CBL: variants seen among roughly 807,000 people sequenced by gnomAD.
CBL encodes the protein E3 ubiquitin-protein ligase CBL.
Under a neutral mutation model 96.9 loss-of-function variants are expected in CBL, and 45 were observed. The observed-to-expected ratio is 0.46, with a 90% CI of 0.37 to 0.60. The LOEUF is 0.60. Among genes scored for constraint, CBL ranks in the 20% least tolerant of loss-of-function variants. The pLI is 0.00. For synonymous variants in CBL, 420 were observed against 426.8 expected (o/e 0.98, Z 0.20); for missense variants, 1,024 against 1,143.5 (o/e 0.90, Z 1.51).
At chr11:119,236,473 T>C (rs1949546933) in intron 2 of CBL, among the ~76,000 whole-genome samples, 2 of 152,066 alleles carry the variant, frequency 1.3e-5, no homozygotes, top group South Asian at 2.1e-4. Flanking sequence ...ATTTTGTTTA[T>C]GATATTTTTG....
chr11:119,207,912 CA>C (rs1409538761), intron 1 of CBL, among the ~76,000 whole-genome samples: 1 of 152,154 alleles, frequency 6.6e-6, no homozygotes, highest in African/African-American at 2.4e-5. Context: ...AGCACTTAGC[CA>C]ATGTAATGTG....
chr11:119,207,218 C>T lies in CBL; in HGVS notation c.195+606C>T, dbSNP rs1592365160. ...AGTGAGGCAAGGAAAGAACTTTCCT[C>T]CCCATCTAGCGCCGGCTCAAGTTTT... is the stretch of plus-strand genomic sequence containing the variant. On this transcript the variant is annotated intron_variant, in intron 1 of 15. Coordinates refer to ENST00000264033, the MANE Select transcript of CBL (RefSeq NM_005188.4). Among the ~76,000 whole-genome samples the T allele has an allele frequency of 2.0e-5, 3 of 152,120 alleles. No homozygotes were observed. The South Asian group carries it at 6.2e-4, about 31-fold the overall frequency.
chr11:119,238,527 C>T lies in CBL; in HGVS notation c.443+5832C>T, dbSNP rs954784878. ...GCCCGACCCCTAAATACAATGTTTT[C>T]TTATCAAAAAGAGCAGCAGGGGCTG... On this transcript the variant is annotated intron_variant, in intron 2 of 15. Coordinates refer to ENST00000264033, the MANE Select transcript of CBL (RefSeq NM_005188.4). 2.0e-5 allele frequency among the ~76,000 whole-genome samples: 3 copies of T among 151,542 alleles called. 1 individual carries two copies. Among genetic ancestry groups the T allele is most frequent in the African/African-American group, 7.3e-5 (3 of 41,304 alleles).
chr11:119,249,717 T>C (rs140097804), intron 2 of CBL, among the ~76,000 whole-genome samples: 216 of 151,838 alleles, frequency 1.4e-3, no homozygotes, highest in African/African-American at 5.1e-3. Context: ...CCAGGTGGTA[T>C]GATCATGACT....
intron 2 of CBL, among the ~76,000 whole-genome samples, chr11:119,246,723 A>G (rs1298527029): frequency 1.3e-5 from 2 of 152,218 alleles, no homozygotes; most frequent in Non-Finnish European, 2.9e-5. Flanking sequence ...AAGTGTTGGG[A>G]TTACAGGTGT....
intron 2 of CBL, among the ~76,000 whole-genome samples, chr11:119,234,762 T>G (rs1002847870): frequency 4.6e-5 from 7 of 152,234 alleles, no homozygotes. Context: ...GCGAGAACTC[T>G]TCTTAAAATA....
intron 9 of CBL, among the ~76,000 whole-genome samples, chr11:119,279,724 G>A (rs759235442): frequency 5.3e-5 from 8 of 152,126 alleles, no homozygotes; most frequent in African/African-American, 1.7e-4. Context: ...AAGCATATAC[G>A]TAGAAAAACT....
intron 1 of CBL, among the ~76,000 whole-genome samples, chr11:119,213,362 T>A (rs976140195): frequency 5.9e-5 from 9 of 152,206 alleles, no homozygotes; most frequent in African/African-American, 2.2e-4. Flanking sequence ...TGTCACACTC[T>A]AGGAGATTAC....
chr11:119,213,295 T>C (rs867406212), intron 1 of CBL, among the ~76,000 whole-genome samples: 9 of 152,302 alleles, frequency 5.9e-5, no homozygotes, highest in African/African-American at 2.2e-4. Flanking sequence ...ACTACTTCAC[T>C]CCCTCCCTTC....
chr11:119,248,630 A>G (rs2135278105), intron 2 of CBL, among the ~76,000 whole-genome samples: 1 of 152,348 alleles, frequency 6.6e-6, no homozygotes, highest in African/African-American at 2.4e-5. Context: ...AAGCATAAAG[A>G]TAGATAAATC....
chr11:119,208,694 T>C (rs1565852272), intron 1 of CBL, among the ~76,000 whole-genome samples: 1 of 152,126 alleles, frequency 6.6e-6, no homozygotes, highest in Non-Finnish European at 1.5e-5. Flanking sequence ...CCTGGCCCTG[T>C]ATTCTTAAAG....
At chr11:119,219,921 C>T (rs1478300162) in intron 1 of CBL, among the ~76,000 whole-genome samples, 1 of 151,054 alleles carries the variant, frequency 6.6e-6, no homozygotes, top group Non-Finnish European at 1.5e-5. Flanking sequence ...GTGATCTCGG[C>T]TCACTGCAAC....
At chr11:119,294,076 T>C (rs921701502) in intron 12 of CBL, among the ~76,000 whole-genome samples, 10 of 152,224 alleles carry the variant, frequency 6.6e-5, no homozygotes, top group African/African-American at 2.4e-4. Context: ...CCAACATGCT[T>C]TGTGAGAAGG....
intron 2 of CBL, among the ~76,000 whole-genome samples, chr11:119,261,133 C>T (rs988976977): frequency 6.6e-6 from 1 of 151,636 alleles, no homozygotes; most frequent in African/African-American, 2.4e-5. Flanking sequence ...AGGCTGGTCT[C>T]GAACTCCTGA....
intron 2 of CBL, among the ~76,000 whole-genome samples, chr11:119,242,451 T>G (rs1225432790): frequency 6.7e-6 from 1 of 148,838 alleles, no homozygotes; most frequent in Non-Finnish European, 1.5e-5. Context: ...GGCAGGAGAA[T>G]TACTTGAACC....
rs182966922 is a variant in CBL at position 119,261,614 on chromosome 11, A to G, written c.444-10121A>G. 3.4e-3 allele frequency among the ~76,000 whole-genome samples: 521 copies of G among 152,308 alleles called. 6 individuals carry two copies. Among genetic ancestry groups the G allele is most frequent in the African/African-American group, 0.012 (480 of 41,566 alleles). On this transcript the variant is annotated intron_variant, in intron 2 of 15. Transcript: ENST00000264033. ...AGCATTATCTTACTGATATGTTTGT[A>G]TATGTCTTTAAGGAACTGGTGTAGA...
chr11:119,287,728 C>A lies in CBL; in HGVS notation c.1942-124C>A, dbSNP rs1336120380. Reference sequence around the variant, plus strand: ...CTAAGCGTTTGGTCAGATGTGATAACCCCTGGGCATGGCATTGAGAGTTAG... The same window carrying A: ...CTAAGCGTTTGGTCAGATGTGATAAACCCTGGGCATGGCATTGAGAGTTAG... On this transcript the variant is annotated intron_variant, in intron 11 of 15. Transcript: ENST00000264033. The A allele has an allele frequency of 9.6e-6, 7 of 729,474 alleles. No individual in the cohort carries two copies. The East Asian group carries it at 1.3e-4, about 14-fold the overall frequency. 45.2% of individuals were successfully genotyped at this position (729,474 alleles called of 1,614,324 possible).
At position 119,216,901 on chromosome 11, in the gene CBL, G is replaced by A. The variant is rs180709803; in HGVS notation, c.195+10289G>A. The stretch of plus-strand genomic sequence containing the variant: ...TTACTCCGAGAAGGTTGGAGAAATA[G>A]CATTGATTGCCCTGGAATTATTTAT... On this transcript the variant is annotated intron_variant, in intron 1 of 15. Coordinates refer to ENST00000264033, the MANE Select transcript of CBL (RefSeq NM_005188.4). 2.8e-3 allele frequency among the ~76,000 whole-genome samples: 433 copies of A among 152,210 alleles called. 2 individuals carry two copies. Among genetic ancestry groups the A allele is most frequent in the Non-Finnish European group, 4.9e-3 (331 of 68,030 alleles).
At chr11:119,292,946 T>C (rs185821081) in intron 12 of CBL, among the ~76,000 whole-genome samples, 1 of 152,254 alleles carries the variant, frequency 6.6e-6, no homozygotes, top group Admixed American at 6.5e-5. Flanking sequence ...TTCGACTGGG[T>C]TTTTCCAAAT....
Sources: allele counts gnomAD v4.1 joint callset (sites outside exome capture counted in the v4.1 genomes callset), GRCh38; gene constraint gnomAD v4.1.1; transcripts MANE v1.5; gene names NCBI Gene and HGNC (gene_info 2026-07-23, HGNC 2026-07-21).